ZFP82: variants seen among roughly 807,000 people sequenced by gnomAD.
ZFP82 encodes the protein zinc finger protein 82 homolog.
ZFP82 carries 30 observed loss-of-function variants against 54.0 expected under a neutral mutation model. The observed-to-expected ratio is 0.56, with a 90% CI of 0.42 to 0.75. The LOEUF is 0.75. Ranked by LOEUF, ZFP82 falls within the 30% of genes least tolerant of loss-of-function variation. The pLI is 0.00. For missense variants in ZFP82, 500 were observed against 636.8 expected (o/e 0.79, Z 2.31); for synonymous variants, 194 against 209.5 (o/e 0.93, Z 0.64).
At chr19:36,397,016 C>G (rs559828069) in intron 4 of ZFP82, among the ~76,000 whole-genome samples, 210 of 149,012 alleles carry the variant, frequency 1.4e-3, no homozygotes, top group African/African-American at 5.1e-3. Flanking sequence ...TGAAGTAAAG[C>G]AGAAGAAAAA....
At chr19:36,409,113 T>G (rs562631368) in intron 2 of ZFP82, among the ~76,000 whole-genome samples, 1 of 152,236 alleles carries the variant, frequency 6.6e-6, no homozygotes, top group East Asian at 1.9e-4. Flanking sequence ...AATGGAATCT[T>G]GTTCCTGAGT....
At chr19:36,398,607 G>A (rs1192444173) in intron 4 of ZFP82, among the ~76,000 whole-genome samples, 1 of 151,470 alleles carries the variant, frequency 6.6e-6, no homozygotes, top group Non-Finnish European at 1.5e-5. Context: ...TATACCAACA[G>A]AGTGAAGGAG....
intron 1 of ZFP82, among the ~76,000 whole-genome samples, chr19:36,414,147 G>A (rs560338067): frequency 1.7e-4 from 26 of 151,968 alleles, no homozygotes; most frequent in African/African-American, 4.6e-4. Context: ...TGATCCGCCC[G>A]CCTTGGCCTC....
At chr19:36,387,162 G>A (rs2032124768), downstream of ZFP82, among the ~76,000 whole-genome samples, 1 of 152,196 alleles carries the variant, frequency 6.6e-6, no homozygotes, top group Non-Finnish European at 1.5e-5. Flanking sequence ...ATCTAGATGA[G>A]ATTGAACTTC....
chr19:36,401,742 G>A (rs1159083882), intron 4 of ZFP82, among the ~76,000 whole-genome samples: 2 of 152,178 alleles, frequency 1.3e-5, no homozygotes, highest in East Asian at 3.8e-4. Flanking sequence ...GCCTAACTCT[G>A]ATCTCAGCTT....
chr19:36,407,115 C>T (rs1396652730), intron 3 of ZFP82, among the ~76,000 whole-genome samples: 2 of 129,608 alleles, frequency 1.5e-5, no homozygotes, highest in Admixed American at 8.9e-5. Context: ...CTCGCTCTGT[C>T]GCCCAGGCTG....
chr19:36,393,872 A>G lies in ZFP82; in HGVS notation c.468T>C (p.Ser156=). 6.2e-7 allele frequency: 1 copy of G among 1,614,192 alleles called. No individual in the cohort carries two copies. Among genetic ancestry groups the G allele is most frequent in the Non-Finnish European group, 8.5e-7 (1 of 1,180,034 alleles). ...AATGAAGTCTCTGATGTGGAGTAAC[A>G]GATGTGCGTTTCTGGTAAGAGGACA... ...EKVSSYQKRT[S]VTPHQRLHFV... is the part of the protein sequence containing the mutation. The change falls in exon 5 of 5, where the codon TCT becomes TCC. Residue 156 remains serine, a synonymous_variant. Coordinates refer to ENST00000392161, the MANE Select transcript of ZFP82 (RefSeq NM_133466.4).
downstream of ZFP82, chr19:36,384,397 A>G (rs1439732910): frequency 1.3e-5 from 2 of 152,214 alleles, no homozygotes; most frequent in African/African-American, 4.8e-5. Flanking sequence ...CATAATGCTG[A>G]CATTTTCATC....
At chr19:36,414,727 C>A (rs10409479) in intron 1 of ZFP82, among the ~76,000 whole-genome samples, 4,009 of 152,056 alleles carry the variant, frequency 0.026, 178 homozygotes, top group African/African-American at 0.089. Flanking sequence ...AGAGCAAGGC[C>A]CCTGTTACTT....
chr19:36,386,656 G>A (rs2032118388), downstream of ZFP82, among the ~76,000 whole-genome samples: 1 of 152,254 alleles, frequency 6.6e-6, no homozygotes, highest in African/African-American at 2.4e-5. Context: ...AATGTTGTTT[G>A]GCTGGGTGCG....
intron 4 of ZFP82, among the ~76,000 whole-genome samples, chr19:36,400,714 T>C (rs1055788273): frequency 6.6e-5 from 10 of 152,196 alleles, no homozygotes; most frequent in South Asian, 2.1e-4. Context: ...CCTCCACCGA[T>C]AGAATCATTC....
chr19:36,407,746 T>C (rs1456540929), intron 3 of ZFP82, 141 bp downstream of exon 3: 1 of 838,300 alleles, frequency 1.2e-6, no homozygotes, highest in African/African-American at 1.7e-5. Flanking sequence ...TCACTTCCAA[T>C]GAAATAAAGC....
downstream of ZFP82, chr19:36,384,020 G>A (rs1237688682): frequency 6.6e-6 from 1 of 152,142 alleles, no homozygotes; most frequent in Non-Finnish European, 1.5e-5. Flanking sequence ...TATTTCACTG[G>A]TTGAAGGGAT....
chr19:36,402,608 T>C (rs187110534), intron 4 of ZFP82, among the ~76,000 whole-genome samples: 2 of 151,872 alleles, frequency 1.3e-5, no homozygotes, highest in Non-Finnish European at 2.9e-5. Flanking sequence ...AAATAAGAAC[T>C]AGTACCCTAA....
At chr19:36,403,216 A>G (rs1240957665) in intron 4 of ZFP82, among the ~76,000 whole-genome samples, 1 of 150,632 alleles carries the variant, frequency 6.6e-6, no homozygotes, top group African/African-American at 2.4e-5. Context: ...CCAGCTGCTC[A>G]GGAGACCGAG....
Position 36,392,940 on chromosome 19 carries a change from A to C in ZFP82, c.1400T>G (p.Leu467Arg). Residue 467 changes from leucine (L) to arginine (R), a missense_variant, in exon 5 of 5, where the codon CTA becomes CGA. Coordinates refer to ENST00000392161, the MANE Select transcript of ZFP82 (RefSeq NM_133466.4). The stretch of plus-strand genomic sequence containing the variant: ...TTCGCCAGTATGAATGCTCTGATGT[A>C]GAGTAAGTTTTTGGCGCAATCTAAA... ...KAFRLRQKLT[L>R]HQSIHTGEKP... 1 of 1,613,960 alleles carries C rather than the reference A, an allele frequency of 6.2e-7. No individual in the cohort carries two copies. The highest frequency in any genetic ancestry group is 8.5e-7 in the Non-Finnish European group (1 of 1,179,938).
chr19:36,395,802 A>G (rs1294205189), intron 4 of ZFP82: 1 of 152,222 alleles, frequency 6.6e-6, no homozygotes, highest in Non-Finnish European at 1.5e-5. Flanking sequence ...TAAAAGAAAC[A>G]CAAGTAAAAT....
At chr19:36,410,950 T>C (rs1017105753) in intron 1 of ZFP82, among the ~76,000 whole-genome samples, 1 of 151,060 alleles carries the variant, frequency 6.6e-6, no homozygotes, top group Non-Finnish European at 1.5e-5. Context: ...CCCAGCACTA[T>C]GGGAGGCCAA....
intron 1 of ZFP82, among the ~76,000 whole-genome samples, chr19:36,410,697 T>C (rs1204201777): frequency 6.6e-6 from 1 of 151,872 alleles, no homozygotes; most frequent in Non-Finnish European, 1.5e-5. Context: ...GAGACCAGGT[T>C]TCACCATATT....
Sources: gnomAD v4.1 joint callset for allele counts (sites outside exome capture counted in the v4.1 genomes callset) on GRCh38, gnomAD v4.1.1 for gene constraint, MANE v1.5 for transcripts, NCBI Gene and HGNC (gene_info 2026-07-23, HGNC 2026-07-21) for gene names.